Variants in SLC22A23 observed in about 807,000 individuals in gnomAD.
The protein encoded by SLC22A23 is solute carrier family 22 member 23.
In SLC22A23, 26 loss-of-function variants were observed where a neutral mutation model predicts 61.0. That is an observed-to-expected ratio of 0.43 (90% confidence interval 0.31 to 0.59). The LOEUF (loss-of-function observed/expected upper bound fraction) is 0.59. SLC22A23 is among the 20% of genes least tolerant of loss of function. The probability of loss-of-function intolerance (pLI) is 0.11; values close to 1 mark genes in which losing one functional copy is unlikely to be tolerated. For missense variants in SLC22A23, 796 were observed against 934.7 expected, an observed-to-expected ratio of 0.85 and a Z score of 1.94; for synonymous variants, 430 against 413.9, an observed-to-expected ratio of 1.04 and a Z score of -0.47.
In SLC22A23 at chr6:3,286,710, C is replaced by T; in HGVS notation, c.1546+149G>A. On this transcript the variant is annotated intron_variant, in intron 7 of 9. Transcript: ENST00000406686. This position sits in a 1 kb window ranked among gnomAD's most constrained non-coding sequence, Gnocchi z 4.2. ...CTCTAAGGCGGGCTCCACAGATGCT[C>T]TCAACTGAAGCTCTGTTCTCCCCAA... 1.3e-6 allele frequency: 1 copy of T among 750,176 alleles called. No individual in the cohort carries two copies. The highest frequency in any genetic ancestry group is 2.1e-6 in the Non-Finnish European group (1 of 465,908). 46.5% of individuals were successfully genotyped at this position (750,176 alleles called of 1,614,324 possible). A position where few individuals can be genotyped will look rare whatever the true frequency, so the allele number is the denominator to read the frequency against.
chr6:3,276,228 C>G (rs1197340526), intron 9 of SLC22A23, among the ~76,000 whole-genome samples: 1 of 152,214 alleles, frequency 6.6e-6, no homozygotes, highest in South Asian at 2.1e-4. Flanking sequence ...TTGCAGTCCA[C>G]CCATCTGCAT....
intron 4 of SLC22A23, among the ~76,000 whole-genome samples, chr6:3,310,288 AGGGAGCACC>A (rs1561888170): frequency 1.4e-5 from 2 of 140,162 alleles, no homozygotes; most frequent in African/African-American, 3.0e-5. Context: ...CCTGTCTCCC[AGGGAGCACC>A]CTGTCTCCCA....
intron 5 of SLC22A23, chr6:3,291,582 C>T (rs952434611): frequency 2.6e-5 from 4 of 152,198 alleles, no homozygotes; most frequent in African/African-American, 7.2e-5. Flanking sequence ...TGCTGGTCCA[C>T]GGACCCTCTC....
chr6:3,427,028 C>T lies in SLC22A23; in HGVS notation c.655-11173G>A, dbSNP rs936112970. Among the ~76,000 whole-genome samples the T allele has an allele frequency of 1.6e-4, 24 of 152,302 alleles. 1 individual carries two copies. The highest frequency in any genetic ancestry group is 1.4e-3 in the Admixed American group (22 of 15,304). ...CTAAAGTGGGGTCTGAGCCAGCTTGCGAATGTGCTGTCAAGCACAGCTGGG... is the reference window on the plus strand; with the variant it reads ...CTAAAGTGGGGTCTGAGCCAGCTTGTGAATGTGCTGTCAAGCACAGCTGGG... On this transcript the variant is annotated intron_variant, in intron 1 of 9. Coordinates refer to ENST00000406686, the MANE Select transcript of SLC22A23 (RefSeq NM_015482.2). This position sits in a 1 kb window ranked among gnomAD's most constrained non-coding sequence, Gnocchi z 4.3.
chr6:3,356,311 T>C (rs535955868), intron 3 of SLC22A23, among the ~76,000 whole-genome samples: 1 of 151,406 alleles, frequency 6.6e-6, no homozygotes, highest in African/African-American at 2.4e-5. Context: ...CGGTGGGCCA[T>C]GGAACCGCTG....
chr6:3,444,175 C>A lies in SLC22A23; in HGVS notation c.654+11731G>T, dbSNP rs569724210. Among the ~76,000 whole-genome samples, 3 of 152,342 alleles carry A rather than the reference C, an allele frequency of 2.0e-5. No homozygotes were observed. In the South Asian group the frequency reaches 6.2e-4, roughly 32 times the overall value. The stretch of plus-strand genomic sequence containing the variant: ...TTATTTTAGAGGAATCCACTTCATG[C>A]ACTCAACAGCCCCTGCCCTTTCCCA... On this transcript the variant is annotated intron_variant, in intron 1 of 9. Coordinates refer to ENST00000406686, the MANE Select transcript of SLC22A23 (RefSeq NM_015482.2).
chr6:3,398,942 T>A (rs1768195377), intron 3 of SLC22A23, among the ~76,000 whole-genome samples: 1 of 152,002 alleles, frequency 6.6e-6, no homozygotes, highest in East Asian at 1.9e-4. Flanking sequence ...GGCGGGAAGA[T>A]CCTTTGAGGC....
At chr6:3,332,204 T>C (rs1485731058) in intron 3 of SLC22A23, among the ~76,000 whole-genome samples, 2 of 152,198 alleles carry the variant, frequency 1.3e-5, no homozygotes. Context: ...GGGAAGATGA[T>C]CTGACTTTTA....
intron 8 of SLC22A23, among the ~76,000 whole-genome samples, chr6:3,284,272 G>A (rs530255105): frequency 6.6e-6 from 1 of 152,342 alleles, no homozygotes; most frequent in South Asian, 2.1e-4. Context: ...AGGCTGGCAT[G>A]TCCCTGGTGC....
At chr6:3,291,449 G>A (rs1274394690) in intron 5 of SLC22A23, 1 of 152,230 alleles carries the variant, frequency 6.6e-6, no homozygotes, top group Admixed American at 6.5e-5. Flanking sequence ...GAAGGGAGAA[G>A]GAGAAACCTT....
At chr6:3,403,758 T>C (rs1768600867) in intron 3 of SLC22A23, among the ~76,000 whole-genome samples, 1 of 152,234 alleles carries the variant, frequency 6.6e-6, no homozygotes, top group Non-Finnish European at 1.5e-5. Context: ...AGCCATAGAA[T>C]TCTAAAACTG....
At chr6:3,339,962 G>A (rs955803725) in intron 3 of SLC22A23, among the ~76,000 whole-genome samples, 1 of 152,090 alleles carries the variant, frequency 6.6e-6, no homozygotes, top group Non-Finnish European at 1.5e-5. Flanking sequence ...TCTGGATCAG[G>A]GCCCCTTTCC....
At chr6:3,356,172 G>T (rs1482316232) in intron 3 of SLC22A23, among the ~76,000 whole-genome samples, 1 of 71,514 alleles carries the variant, frequency 1.4e-5, no homozygotes, top group Non-Finnish European at 2.9e-5. Flanking sequence ...GCAGATACAC[G>T]TGACATCAGA....
In SLC22A23 at chr6:3,426,655, TTTTC is replaced by T. The variant is rs550271041; in HGVS notation, c.655-10804_655-10801del. Among the ~76,000 whole-genome samples, 165 of 152,262 alleles carry T rather than the reference TTTTC, an allele frequency of 1.1e-3. 1 individual carries two copies. The highest frequency in any genetic ancestry group is 6.8e-3 in the Middle Eastern group (2 of 294). On this transcript the variant is annotated intron_variant, in intron 1 of 9. Coordinates refer to ENST00000406686, the MANE Select transcript of SLC22A23 (RefSeq NM_015482.2). ...CCATCTTGAAGATGACATGATGCCT[TTTTC>T]TTTCTTTCTCTTTTTTTTTCTTGCT...
chr6:3,400,292 A>C (rs1248864334), intron 3 of SLC22A23, among the ~76,000 whole-genome samples: 1 of 152,078 alleles, frequency 6.6e-6, no homozygotes, highest in Non-Finnish European at 1.5e-5. Context: ...GCCCCCACCC[A>C]CCAGTTATTC....
rs1476304879 is a variant in SLC22A23 at position 3,342,350 on chromosome 6, A to C, written c.914-18348T>G. Among the ~76,000 whole-genome samples the C allele has an allele frequency of 1.2e-4, 18 of 152,228 alleles. 1 individual carries two copies. The highest frequency in any genetic ancestry group is 1.1e-3 in the Admixed American group (17 of 15,284). On this transcript the variant is annotated intron_variant, in intron 3 of 9. Coordinates refer to ENST00000406686, the MANE Select transcript of SLC22A23 (RefSeq NM_015482.2). The surrounding 1 kb of genome is among the most constrained non-coding windows in gnomAD (Gnocchi z 4.0). ...AAAATTTAAAGGAATACCTTACTTC[A>C]TTTAGGCAACCGAATACTAAAATTT...
intron 3 of SLC22A23, among the ~76,000 whole-genome samples, chr6:3,388,917 G>C (rs1227832684): frequency 6.6e-6 from 1 of 152,064 alleles, no homozygotes; most frequent in Non-Finnish European, 1.5e-5. Context: ...TGTGGGGAGG[G>C]GGAATGGGGA....
intron 1 of SLC22A23, among the ~76,000 whole-genome samples, chr6:3,453,691 A>G (rs1772259135): frequency 6.6e-6 from 1 of 152,260 alleles, no homozygotes; most frequent in Admixed American, 6.5e-5. Flanking sequence ...TACAGGATAC[A>G]TGCTGAAGAC....
At chr6:3,412,896 AGG>A (rs35652951) in intron 2 of SLC22A23, among the ~76,000 whole-genome samples, 1 of 152,172 alleles carries the variant, frequency 6.6e-6, no homozygotes, top group Non-Finnish European at 1.5e-5. Flanking sequence ...TAGAAAAAGC[AGG>A]GGAGCAGATT....
Sources: allele counts gnomAD v4.1 joint callset (sites outside exome capture counted in the v4.1 genomes callset), GRCh38; gene constraint gnomAD v4.1.1; non-coding constraint Gnocchi (gnomAD v3.1); transcripts MANE v1.5; gene names NCBI Gene and HGNC (gene_info 2026-07-23, HGNC 2026-07-21).